Variants in ZNF385D observed in about 807,000 individuals in gnomAD.
ZNF385D encodes the protein zinc finger protein 385D.
Under a neutral mutation model 35.8 loss-of-function variants are expected in ZNF385D, and 15 were observed. That is an observed-to-expected ratio of 0.42 (90% CI 0.28 to 0.64). The LOEUF (loss-of-function observed/expected upper bound fraction) is 0.64. ZNF385D is among the 30% of genes least tolerant of loss of function. The pLI is 0.23. For synonymous variants in ZNF385D, 212 were observed against 186.8 expected (o/e 1.13, Z -1.10); for missense variants, 474 against 494.6 (o/e 0.96, Z 0.39).
chr3:21,755,304 T>A (rs1575594930), upstream of ZNF385D, among the ~76,000 whole-genome samples: 1 of 152,236 alleles, frequency 6.6e-6, no homozygotes, highest in Admixed American at 6.5e-5. Flanking sequence ...AAAAATGGTA[T>A]GATCATGCCA....
At chr3:21,724,609 G>C (rs867606575) in intron 1 of ZNF385D, among the ~76,000 whole-genome samples, 1 of 150,968 alleles carries the variant, frequency 6.6e-6, no homozygotes, top group African/African-American at 2.4e-5. Flanking sequence ...AGGGTAAAGG[G>C]ATCAATGCAA....
intron 3 of ZNF385D, among the ~76,000 whole-genome samples, chr3:22,030,528 TA>T (rs1032991316): frequency 6.6e-6 from 1 of 151,268 alleles, no homozygotes; most frequent in Admixed American, 6.6e-5. Context: ...ACTGTCATTT[TA>T]AAAAACATCA....
At chr3:21,647,024 C>T (rs1016045525) in intron 2 of ZNF385D, among the ~76,000 whole-genome samples, 5 of 152,076 alleles carry the variant, frequency 3.3e-5, no homozygotes, top group Non-Finnish European at 5.9e-5. Flanking sequence ...TGCTGATAAA[C>T]AAAACAGTGG....
Position 21,585,939 on chromosome 3 carries a change from T to C in ZNF385D, c.166-21255A>G, listed in dbSNP as rs542514558. Among the ~76,000 whole-genome samples the C allele has an allele frequency of 7.2e-5, 11 of 152,092 alleles. No homozygotes were observed. In the East Asian group the frequency reaches 2.1e-3, roughly 29 times the overall value. ...GTCCTAGTACTTTGAGAGGGTGAGG[T>C]AGGGGAACTACTTGAAGCCAAGAGT... is the stretch of plus-strand genomic sequence containing the variant. On this transcript the variant is annotated intron_variant, in intron 2 of 7. Coordinates refer to ENST00000281523, the MANE Select transcript of ZNF385D (RefSeq NM_024697.3).
intron 3 of ZNF385D, among the ~76,000 whole-genome samples, chr3:21,797,079 G>T (rs867121881): frequency 2.0e-5 from 3 of 152,260 alleles, no homozygotes; most frequent in Middle Eastern, 6.8e-3. Context: ...AGACGTATTT[G>T]CAAAACACAT....
chr3:21,485,712 A>G (rs937831554), intron 4 of ZNF385D, among the ~76,000 whole-genome samples: 6 of 152,080 alleles, frequency 3.9e-5, no homozygotes, highest in African/African-American at 7.2e-5. Context: ...GTAACTTTCT[A>G]TCATTTCAGA....
At chr3:21,708,551 C>G (rs1301978279) in intron 1 of ZNF385D, among the ~76,000 whole-genome samples, 1 of 152,278 alleles carries the variant, frequency 6.6e-6, no homozygotes, top group East Asian at 1.9e-4. Context: ...ACCCAAGTCC[C>G]AAAATGTGGA....
chr3:21,870,345 G>A (rs1000626413), intron 3 of ZNF385D, among the ~76,000 whole-genome samples: 25 of 152,266 alleles, frequency 1.6e-4, no homozygotes, highest in African/African-American at 4.3e-4. Flanking sequence ...TAGCCCTAAG[G>A]TAAAGGGCAG....
At chr3:21,432,394 A>T (rs1479436682) in intron 5 of ZNF385D, among the ~76,000 whole-genome samples, 2 of 152,130 alleles carry the variant, frequency 1.3e-5, no homozygotes, top group Non-Finnish European at 1.5e-5. Flanking sequence ...TGGTGAGGGG[A>T]TAGAATAAAC....
intron 2 of ZNF385D, among the ~76,000 whole-genome samples, chr3:22,281,166 T>C (rs1462157142): frequency 6.6e-6 from 1 of 152,110 alleles, no homozygotes; most frequent in Non-Finnish European, 1.5e-5. Flanking sequence ...AGGTATATGA[T>C]CCTGTCATCA....
chr3:21,649,135 G>A (rs1412101156), intron 2 of ZNF385D, among the ~76,000 whole-genome samples: 1 of 151,968 alleles, frequency 6.6e-6, no homozygotes, highest in East Asian at 1.9e-4. Context: ...TACATAATCT[G>A]ATTTAATTGC....
At chr3:21,921,715 C>T (rs1425952100) in intron 3 of ZNF385D, among the ~76,000 whole-genome samples, 3 of 151,828 alleles carry the variant, frequency 2.0e-5, no homozygotes, top group African/African-American at 7.3e-5. Flanking sequence ...GTGAATACCT[C>T]TACGCTCACA....
intron 2 of ZNF385D, among the ~76,000 whole-genome samples, chr3:22,348,325 T>A (rs1695752250): frequency 6.6e-6 from 1 of 151,880 alleles, no homozygotes; most frequent in Admixed American, 6.6e-5. Context: ...GCGTGGTCCC[T>A]AATCCTATTT....
intron 2 of ZNF385D, among the ~76,000 whole-genome samples, chr3:21,582,699 A>C (rs35612116): frequency 1.1e-4 from 16 of 152,224 alleles, no homozygotes; most frequent in South Asian, 2.1e-4. Flanking sequence ...CCAGCACCAC[A>C]GAATTTCTCT....
intron 2 of ZNF385D, among the ~76,000 whole-genome samples, chr3:22,286,530 T>C (rs1317706685): frequency 2.0e-5 from 3 of 152,146 alleles, no homozygotes; most frequent in South Asian, 2.1e-4. Context: ...TTGATGCTCA[T>C]GATTGCTACT....
At position 22,014,196 on chromosome 3, in the gene ZNF385D, A is replaced by T. The variant is rs144348588; in HGVS notation, c.325+154621T>A. On this transcript the variant is annotated intron_variant, in intron 3 of 5. Transcript: ENST00000494108. ...CCCATAGTTCTTGGAAATTAAAAGC[A>T]TGGCTGCTACCTTTTTTTTTAAAGG... 9.3e-3 allele frequency among the ~76,000 whole-genome samples: 1,418 copies of T among 152,042 alleles called. 20 individuals carry two copies. Among genetic ancestry groups the T allele is most frequent in the Admixed American group, 0.018 (282 of 15,272 alleles).
chr3:21,564,547 T>C, intron 3 of ZNF385D, 27 bp downstream of exon 3: 1 of 1,308,576 alleles, frequency 7.6e-7, no homozygotes, highest in African/African-American at 1.5e-5. Flanking sequence ...TTTTTTTTTT[T>C]AAGTGAACAC....
intron 2 of ZNF385D, among the ~76,000 whole-genome samples, chr3:22,209,628 T>G (rs1198009765): frequency 6.6e-6 from 1 of 151,878 alleles, no homozygotes; most frequent in African/African-American, 2.4e-5. Flanking sequence ...ATATATTCAT[T>G]TCATATGAAA....
chr3:22,342,276 C>CAAAAAAAAAA, intron 2 of ZNF385D, among the ~76,000 whole-genome samples: 1 of 53,508 alleles, frequency 1.9e-5, no homozygotes, highest in Non-Finnish European at 3.8e-5. Context: ...GACTCCGCCT[C>CAAAAAAAAAA]AAAAAAAAAA....
Sources: gnomAD v4.1 joint callset for allele counts (sites outside exome capture counted in the v4.1 genomes callset) on GRCh38, gnomAD v4.1.1 for gene constraint, MANE v1.5 for transcripts, NCBI Gene and HGNC (gene_info 2026-07-23, HGNC 2026-07-21) for gene names.